CFAP92: variants seen among roughly 807,000 people sequenced by gnomAD.
CFAP92 encodes uncharacterized protein CFAP92.
Under a neutral mutation model 106.3 loss-of-function variants are expected in CFAP92, and 86 were observed. That is an observed-to-expected ratio of 0.81 (90% CI 0.68 to 0.97). CFAP92 has a LOEUF of 0.97. Ranked by LOEUF, CFAP92 falls within the 50% of genes least tolerant of loss-of-function variation. CFAP92 has a pLI of 0.00. For synonymous variants in CFAP92, 477 were observed against 506.4 expected (o/e 0.94, Z 0.78); for missense variants, 1,204 against 1,283.8 (o/e 0.94, Z 0.95).
the CFAP92 span, among the ~76,000 whole-genome samples, chr3:129,008,902 G>T: frequency 1.3e-5 from 2 of 151,604 alleles, no homozygotes; most frequent in Non-Finnish European, 2.9e-5. Flanking sequence ...CCACTCACAT[G>T]ACCTTGTCTG....
intron 8 of CFAP92, chr3:128,969,787 A>C (rs981931258): frequency 6.6e-6 from 1 of 152,270 alleles, no homozygotes; most frequent in South Asian, 2.1e-4. Flanking sequence ...GCTCAAAGCT[A>C]CTGTGTGCAA....
intron 1 of CFAP92, chr3:129,001,581 C>A: frequency 7.4e-7 from 1 of 1,346,482 alleles, no homozygotes; most frequent in African/African-American, 1.5e-5. Context: ...AGTGGCGGGG[C>A]GAAGGGACCG....
chr3:128,967,773 T>C (rs1477442100), intron 8 of CFAP92: 3 of 150,808 alleles, frequency 2.0e-5, no homozygotes, highest in Non-Finnish European at 2.9e-5. Flanking sequence ...AAAAAAGTGC[T>C]CAAATCATCA....
chr3:129,008,080 C>A, the CFAP92 span, among the ~76,000 whole-genome samples: 391 of 152,354 alleles, frequency 2.6e-3, 12 homozygotes, highest in Admixed American at 0.023. Context: ...CCCTTCAGAG[C>A]AGTTTTCCAT....
intron 9 of CFAP92, among the ~76,000 whole-genome samples, chr3:128,957,980 G>A (rs1403298774): frequency 6.6e-6 from 1 of 152,110 alleles, no homozygotes; most frequent in Admixed American, 6.5e-5. Flanking sequence ...GGCCCCAGAT[G>A]TCCCCTGGCA....
At position 128,971,280 on chromosome 3, in the gene CFAP92, TG is replaced by T; in HGVS notation, c.1168+6del. The stretch of plus-strand genomic sequence containing the variant: ...GAGCTGCTGGGAACAGGGCAAGCAG[TG>T]GGTACCGGCAAGGAGCGGCATGACG... On this transcript the variant is annotated splice_donor_region_variant and intron_variant, in intron 8 of 15. Transcript: ENST00000645291. 3.1e-6 allele frequency: 5 copies of T among 1,613,684 alleles called. No individual in the cohort carries two copies. In the South Asian group the frequency reaches 3.3e-5, roughly 11 times the overall value.
the CFAP92 span, among the ~76,000 whole-genome samples, chr3:129,017,468 G>C: frequency 1.3e-5 from 2 of 152,214 alleles, no homozygotes; most frequent in East Asian, 1.9e-4. Context: ...CGAAAGCAAG[G>C]CACCCTTGGC....
chr3:128,971,267 A>G lies in CFAP92; in HGVS notation c.1168+20T>C, dbSNP rs1942771330. 6.2e-7 allele frequency: 1 copy of G among 1,613,728 alleles called. No homozygotes were observed. Among genetic ancestry groups the G allele is most frequent in the East Asian group, 2.2e-5 (1 of 44,880 alleles). Reference sequence around the variant, plus strand: ...ACAAGACAAGCAGGAGCTGCTGGGAACAGGGCAAGCAGTGGGTACCGGCAA... The same window carrying G: ...ACAAGACAAGCAGGAGCTGCTGGGAGCAGGGCAAGCAGTGGGTACCGGCAA... On this transcript the variant is annotated intron_variant, in intron 8 of 15. Coordinates refer to ENST00000645291, the MANE Select transcript of CFAP92 (RefSeq NM_001394090.1).
chr3:128,925,892 T>C (rs1576405302), intron 12 of CFAP92, among the ~76,000 whole-genome samples: 1 of 152,286 alleles, frequency 6.6e-6, no homozygotes, highest in African/African-American at 2.4e-5. Context: ...CGGAATGATG[T>C]CTTTAAAGTG....
Position 128,975,789 on chromosome 3 carries a change from TTGTC to T in CFAP92, c.1007_1010del (p.Arg336LysfsTer33), listed in dbSNP as rs761002131. 17 of 1,594,074 alleles carry T rather than the reference TTGTC, an allele frequency of 1.1e-5. No homozygotes were observed. In the African/African-American group the frequency reaches 2.0e-4, roughly 19 times the overall value. On this transcript the variant is annotated frameshift_variant, in exon 7 of 16. Transcript: ENST00000645291. LOFTEE classifies it high-confidence loss of function. Reference sequence around the variant, plus strand: ...CCTATCCTAACTTACTTTGAGACCTTTGTCTGTCTAATATGTTTGTTAAGCTGCT... The same window carrying T: ...CCTATCCTAACTTACTTTGAGACCTTTGTCTAATATGTTTGTTAAGCTGCT...
chr3:128,981,274 G>C (rs564496152), intron 4 of CFAP92, among the ~76,000 whole-genome samples: 1 of 151,832 alleles, frequency 6.6e-6, no homozygotes, highest in Admixed American at 6.6e-5. Flanking sequence ...CTGACCTCGT[G>C]ATCTGTCCCC....
At chr3:128,930,640 A>T (rs1938257058) in intron 12 of CFAP92, among the ~76,000 whole-genome samples, 1 of 151,904 alleles carries the variant, frequency 6.6e-6, no homozygotes, top group African/African-American at 2.4e-5. Flanking sequence ...AATCCCAGCT[A>T]CTCAGGAGGC....
intron 6 of CFAP92, among the ~76,000 whole-genome samples, chr3:128,976,120 G>A (rs974667202): frequency 1.3e-5 from 2 of 152,100 alleles, no homozygotes; most frequent in Non-Finnish European, 2.9e-5. Flanking sequence ...ACCAGGGGCA[G>A]GCCTGAAATT....
the CFAP92 span, among the ~76,000 whole-genome samples, chr3:129,017,124 G>C: frequency 6.6e-6 from 1 of 152,238 alleles, no homozygotes; most frequent in Non-Finnish European, 1.5e-5. Context: ...CCTCCTGGCA[G>C]ACTTCCCCTC....
chr3:128,988,144 C>T (rs543669231), intron 3 of CFAP92, among the ~76,000 whole-genome samples: 50 of 152,122 alleles, frequency 3.3e-4, no homozygotes, highest in African/African-American at 1.2e-3. Context: ...TGTACACACA[C>T]ATGCACACAC....
At chr3:128,947,680 T>G (rs1422072051) in intron 9 of CFAP92, among the ~76,000 whole-genome samples, 1 of 152,116 alleles carries the variant, frequency 6.6e-6, no homozygotes, top group Non-Finnish European at 1.5e-5. Context: ...TCATTCAAAA[T>G]TGATCAAAGG....
At chr3:129,025,059 C>T in the CFAP92 span, among the ~76,000 whole-genome samples, 1 of 152,060 alleles carries the variant, frequency 6.6e-6, no homozygotes, top group African/African-American at 2.4e-5. Flanking sequence ...GCATGAGAGG[C>T]TGTGAGAAGC....
chr3:128,973,360 A>G (rs1942938278), intron 7 of CFAP92, among the ~76,000 whole-genome samples: 1 of 152,134 alleles, frequency 6.6e-6, no homozygotes. Flanking sequence ...GCAGGGGGGA[A>G]CAGATGCCGC....
chr3:128,962,308 C>A (rs1398277412), intron 9 of CFAP92, among the ~76,000 whole-genome samples: 1 of 152,166 alleles, frequency 6.6e-6, no homozygotes, highest in Non-Finnish European at 1.5e-5. Flanking sequence ...ACCTTCTTTT[C>A]AAGGGCCTGT....
Sources: gnomAD v4.1 joint callset for allele counts (sites outside exome capture counted in the v4.1 genomes callset) on GRCh38, gnomAD v4.1.1 for gene constraint, MANE v1.5 for transcripts, NCBI Gene and HGNC (gene_info 2026-07-23, HGNC 2026-07-21) for gene names.